NUP93: variants seen among roughly 807,000 people sequenced by gnomAD.
NUP93 encodes the protein nuclear pore complex protein Nup93.
NUP93 carries 55 observed loss-of-function variants against 107.8 expected under a neutral mutation model. The ratio of observed to expected loss-of-function variants is 0.51; its 90% confidence interval spans 0.41 to 0.64. The LOEUF (loss-of-function observed/expected upper bound fraction) is 0.64. NUP93 is among the 30% of genes least tolerant of loss of function. The probability of loss-of-function intolerance (pLI) is 0.00; values close to 1 mark genes in which losing one functional copy is unlikely to be tolerated. For missense variants in NUP93, 937 were observed against 1,044.7 expected (o/e 0.90, Z 1.42); for synonymous variants, 390 against 397.5 (o/e 0.98, Z 0.22).
At chr16:56,814,629 C>T (rs1348782458) in intron 5 of NUP93, among the ~76,000 whole-genome samples, 1 of 152,140 alleles carries the variant, frequency 6.6e-6, no homozygotes, top group African/African-American at 2.4e-5. Flanking sequence ...CCATCCTGTC[C>T]TGGAATGGCT....
At chr16:56,738,236 G>A (rs1353900022) in intron 1 of NUP93, among the ~76,000 whole-genome samples, 3 of 152,358 alleles carry the variant, frequency 2.0e-5, no homozygotes, top group Non-Finnish European at 4.4e-5. Flanking sequence ...GTGGGATGGA[G>A]CCAAGCTGTA....
At chr16:56,840,266 C>T (rs965020429) in intron 20 of NUP93, among the ~76,000 whole-genome samples, 23 of 152,284 alleles carry the variant, frequency 1.5e-4, no homozygotes, top group Non-Finnish European at 2.6e-4. Flanking sequence ...GTGATCTGCC[C>T]GCCTCGGCCT....
chr16:56,791,022 C>T (rs1281104535), intron 3 of NUP93, among the ~76,000 whole-genome samples: 1 of 152,110 alleles, frequency 6.6e-6, no homozygotes, highest in Non-Finnish European at 1.5e-5. Context: ...CTGCAGATTT[C>T]CTATTAATTT....
intron 3 of NUP93, among the ~76,000 whole-genome samples, chr16:56,787,747 G>A (rs72786711): frequency 0.033 from 4,991 of 152,178 alleles, 110 homozygotes; most frequent in Non-Finnish European, 0.052. Flanking sequence ...ACTGCAGTGC[G>A]GTTTTAGCAT....
At chr16:56,837,545 T>C (rs1963936506) in intron 17 of NUP93, 63 bp from the exon 18 acceptor site, 5 of 1,315,996 alleles carry the variant, frequency 3.8e-6, no homozygotes, top group Non-Finnish European at 5.5e-6. Context: ...GGGGGCATTA[T>C]ATAGTTGTTC....
intron 2 of NUP93, among the ~76,000 whole-genome samples, chr16:56,755,570 A>G (rs1274670702): frequency 5.3e-5 from 8 of 152,138 alleles, no homozygotes; most frequent in Admixed American, 5.2e-4. Flanking sequence ...AATTTTATGA[A>G]TACATAAAAA....
intron 3 of NUP93, chr16:56,783,515 T>C (rs1962558245): frequency 1.0e-6 from 1 of 985,484 alleles, no homozygotes; most frequent in Non-Finnish European, 1.2e-6. Flanking sequence ...TTTGTAAAGA[T>C]GGAGGAAACC....
At chr16:56,822,076 G>A (rs1963555402) in intron 7 of NUP93, among the ~76,000 whole-genome samples, 1 of 139,672 alleles carries the variant, frequency 7.2e-6, no homozygotes, top group African/African-American at 2.7e-5. Flanking sequence ...TTTATTCCTG[G>A]CCAGTTTTCT....
chr16:56,779,229 A>G (rs764140524), intron 3 of NUP93, among the ~76,000 whole-genome samples: 3 of 152,214 alleles, frequency 2.0e-5, no homozygotes, highest in African/African-American at 7.2e-5. Flanking sequence ...GTAGAGCCCT[A>G]CAGTTGTTCA....
intron 1 of NUP93, among the ~76,000 whole-genome samples, chr16:56,746,293 C>A (rs1961819763): frequency 6.6e-6 from 1 of 152,158 alleles, no homozygotes; most frequent in African/African-American, 2.4e-5. Context: ...ATTTCTCTAT[C>A]AGGCCGGAGT....
intron 21 of NUP93, among the ~76,000 whole-genome samples, chr16:56,844,076 C>T (rs778775729): frequency 2.6e-5 from 4 of 152,180 alleles, no homozygotes; most frequent in Non-Finnish European, 4.4e-5. Flanking sequence ...CCTCCGGTGT[C>T]ACAAGGGCTT....
intron 1 of NUP93, among the ~76,000 whole-genome samples, chr16:56,738,118 T>A (rs1597099217): frequency 1.3e-5 from 2 of 152,340 alleles, no homozygotes; most frequent in Admixed American, 1.3e-4. Context: ...AAAGACCGAA[T>A]TAAAACATCT....
At chr16:56,785,046 T>C (rs1242111405) in intron 3 of NUP93, among the ~76,000 whole-genome samples, 1 of 152,206 alleles carries the variant, frequency 6.6e-6, no homozygotes, top group East Asian at 1.9e-4. Flanking sequence ...TTTTTAATTA[T>C]GGGGACAGCA....
intron 3 of NUP93, among the ~76,000 whole-genome samples, chr16:56,789,015 A>T (rs1007191482): frequency 6.6e-6 from 1 of 151,966 alleles, no homozygotes; most frequent in South Asian, 2.1e-4. Flanking sequence ...TTGTTGCATG[A>T]TAATTTTTTT....
At chr16:56,745,658 C>CCAT (rs368861067) in intron 1 of NUP93, among the ~76,000 whole-genome samples, 12 of 152,150 alleles carry the variant, frequency 7.9e-5, no homozygotes, top group African/African-American at 2.7e-4. Flanking sequence ...AGTTATGGGG[C>CCAT]CATCATGGGT....
At chr16:56,804,099 C>A (rs1178729201) in intron 4 of NUP93, among the ~76,000 whole-genome samples, 1 of 152,122 alleles carries the variant, frequency 6.6e-6, no homozygotes, top group Non-Finnish European at 1.5e-5. Flanking sequence ...GAAATTGAAA[C>A]CCTTGTGCAC....
At position 56,810,526 on chromosome 16, in the gene NUP93, A is replaced by G. The variant is rs373700299; in HGVS notation, c.489+4894A>G. On this transcript the variant is annotated intron_variant, in intron 5 of 21. Coordinates refer to ENST00000308159, the MANE Select transcript of NUP93 (RefSeq NM_014669.5). ...ATGCTCCTGTAGTCTGGGCTACTCA[A>G]GAGCCTCAGGTGGGAGGATCGCTTG... 1.1e-4 allele frequency among the ~76,000 whole-genome samples: 16 copies of G among 152,290 alleles called. No homozygotes were observed. In the East Asian group the frequency reaches 2.9e-3, roughly 28 times the overall value.
intron 3 of NUP93, among the ~76,000 whole-genome samples, chr16:56,772,764 G>T (rs1962346480): frequency 6.6e-6 from 1 of 152,246 alleles, no homozygotes; most frequent in South Asian, 2.1e-4. Flanking sequence ...GTACCCTGAA[G>T]TGCATTTCCT....
intron 1 of NUP93, among the ~76,000 whole-genome samples, chr16:56,739,651 G>C (rs1961679017): frequency 2.3e-5 from 3 of 132,412 alleles, no homozygotes; most frequent in Non-Finnish European, 4.8e-5. Context: ...CTCCCGGACG[G>C]GGCGGCTGGC....
Sources: gnomAD v4.1 joint callset for allele counts (sites outside exome capture counted in the v4.1 genomes callset) on GRCh38, gnomAD v4.1.1 for gene constraint, MANE v1.5 for transcripts, NCBI Gene and HGNC (gene_info 2026-07-23, HGNC 2026-07-21) for gene names.